EPHA3: variants seen among roughly 807,000 people sequenced by gnomAD.
The protein encoded by EPHA3 is ephrin type-A receptor 3.
A neutral mutation model predicts 107.1 loss-of-function variants in EPHA3; 42 were observed. The ratio of observed to expected loss-of-function variants is 0.39; its 90% CI spans 0.31 to 0.51. The LOEUF (loss-of-function observed/expected upper bound fraction) is 0.51. EPHA3 is among the 20% of genes least tolerant of loss of function. The pLI, the probability that EPHA3 is intolerant of heterozygous loss-of-function variation, is 0.78. For missense variants in EPHA3, 1,183 were observed against 1,211.2 expected (o/e 0.98, Z 0.35); for synonymous variants, 461 against 424.8 (o/e 1.09, Z -1.05).
At chr3:89,287,754 A>C (rs1278399228) in intron 3 of EPHA3, among the ~76,000 whole-genome samples, 1 of 152,122 alleles carries the variant, frequency 6.6e-6, no homozygotes, top group Non-Finnish European at 1.5e-5. Context: ...CAGATAGAGA[A>C]ATTGTGGAAA....
chr3:89,430,107 T>A (rs1437292810), intron 12 of EPHA3, among the ~76,000 whole-genome samples: 1 of 152,172 alleles, frequency 6.6e-6, no homozygotes, highest in Non-Finnish European at 1.5e-5. Context: ...GTGAATATAT[T>A]AAATTTACAT....
chr3:89,296,884 C>T (rs1706366595), intron 3 of EPHA3, among the ~76,000 whole-genome samples: 1 of 152,178 alleles, frequency 6.6e-6, no homozygotes, highest in Non-Finnish European at 1.5e-5. Flanking sequence ...GTTTTTCTAT[C>T]ATCAGTACTT....
intron 3 of EPHA3, among the ~76,000 whole-genome samples, chr3:89,251,107 C>T (rs1156305192): frequency 1.3e-5 from 2 of 152,016 alleles, no homozygotes; most frequent in African/African-American, 4.8e-5. Context: ...ATGATTTTGC[C>T]CTTGAAAATT....
intron 3 of EPHA3, among the ~76,000 whole-genome samples, chr3:89,235,001 T>A (rs766073825): frequency 5.3e-4 from 67 of 126,406 alleles, no homozygotes; most frequent in Non-Finnish European, 8.6e-4. Flanking sequence ...CTTTTTTCTC[T>A]TTTCTTTTCT....
chr3:89,425,537 G>C (rs1576371491), intron 11 of EPHA3, among the ~76,000 whole-genome samples: 1 of 150,768 alleles, frequency 6.6e-6, no homozygotes, highest in Non-Finnish European at 1.5e-5. Flanking sequence ...TAGAGTGTTA[G>C]ACCCAATGAC....
At chr3:89,215,909 A>T (rs1704211478) in intron 3 of EPHA3, among the ~76,000 whole-genome samples, 1 of 151,892 alleles carries the variant, frequency 6.6e-6, no homozygotes, top group Non-Finnish European at 1.5e-5. Flanking sequence ...TTATTAAAGT[A>T]TACTTCTAAA....
At chr3:89,110,533 C>T (rs985874803) in intron 1 of EPHA3, among the ~76,000 whole-genome samples, 15 of 151,884 alleles carry the variant, frequency 9.9e-5, no homozygotes, top group African/African-American at 3.1e-4. Flanking sequence ...GACTCATCAA[C>T]GATAACAGAT....
chr3:89,468,126 C>T (rs1401105031), intron 15 of EPHA3, among the ~76,000 whole-genome samples: 2 of 152,188 alleles, frequency 1.3e-5, no homozygotes, highest in East Asian at 3.9e-4. Flanking sequence ...TTGATAAACT[C>T]TCCAGATGTC....
intron 3 of EPHA3, among the ~76,000 whole-genome samples, chr3:89,230,033 T>A (rs745346554): frequency 6.6e-6 from 1 of 152,146 alleles, no homozygotes; most frequent in Non-Finnish European, 1.5e-5. Context: ...TCAGTATGTA[T>A]GAGCTTTAAA....
At chr3:89,368,057 A>AT (rs1357754796) in intron 5 of EPHA3, among the ~76,000 whole-genome samples, 1 of 150,502 alleles carries the variant, frequency 6.6e-6, no homozygotes, top group East Asian at 1.9e-4. Context: ...TCCAATAGGC[A>AT]TTTTTATATA....
At chr3:89,172,786 A>G (rs1271387383) in intron 2 of EPHA3, among the ~76,000 whole-genome samples, 1 of 152,176 alleles carries the variant, frequency 6.6e-6, no homozygotes, top group African/African-American at 2.4e-5. Flanking sequence ...CATCAATTAC[A>G]GTGTAATTAT....
At chr3:89,366,313 AG>A (rs201205876) in intron 5 of EPHA3, among the ~76,000 whole-genome samples, 2,270 of 150,764 alleles carry the variant, frequency 0.015, 61 homozygotes, top group African/African-American at 0.052. Flanking sequence ...TAAAGGAGCA[AG>A]GGGGGAGTTG....
intron 2 of EPHA3, among the ~76,000 whole-genome samples, chr3:89,198,477 T>G (rs760674903): frequency 3.3e-5 from 5 of 152,168 alleles, no homozygotes; most frequent in Admixed American, 6.5e-5. Flanking sequence ...GACCCTTAAA[T>G]CTAGGCTCCT....
intron 2 of EPHA3, among the ~76,000 whole-genome samples, chr3:89,207,573 G>C (rs1199752480): frequency 7.9e-6 from 1 of 127,050 alleles, no homozygotes; most frequent in African/African-American, 2.6e-5. Flanking sequence ...TCATAACATA[G>C]TGTCAATAGA....
At chr3:89,294,675 G>T (rs1306057300) in intron 3 of EPHA3, among the ~76,000 whole-genome samples, 1 of 151,800 alleles carries the variant, frequency 6.6e-6, no homozygotes, top group Non-Finnish European at 1.5e-5. Context: ...AGTTTTATTT[G>T]GGCCTCCTAA....
At position 89,449,288 on chromosome 3, in the gene EPHA3, G is replaced by C; in HGVS notation, c.2410G>C (p.Ala804Pro). 1 of 1,612,822 alleles carries C rather than the reference G, an allele frequency of 6.2e-7. No homozygotes were observed. Among genetic ancestry groups the C allele is most frequent in the East Asian group, 2.2e-5 (1 of 44,826 alleles). The change falls in exon 14 of 17, where the codon GCC becomes CCC. Residue 804 changes from alanine to proline, a missense_variant. Coordinates refer to ENST00000336596, the MANE Select transcript of EPHA3 (RefSeq NM_005233.6). ...EAIAYRKFTS[A>P]SDVWSYGIVL... ...TATAGCCTACCGCAAGTTCACGTCA[G>C]CCAGCGATGTATGGAGTTATGGGAT... is the stretch of plus-strand genomic sequence containing the variant.
intron 3 of EPHA3, among the ~76,000 whole-genome samples, chr3:89,337,985 A>AT (rs1707432115): frequency 6.6e-6 from 1 of 152,246 alleles, no homozygotes; most frequent in Admixed American, 6.5e-5. Context: ...AATTCCAGCC[A>AT]TAATGTCCAT....
intron 3 of EPHA3, among the ~76,000 whole-genome samples, chr3:89,276,034 G>A (rs1705797125): frequency 6.6e-6 from 1 of 151,988 alleles, no homozygotes; most frequent in African/African-American, 2.4e-5. Context: ...CATAGTACGG[G>A]GGAGAAAAAG....
rs543210091 is a variant in EPHA3 at position 89,452,087 on chromosome 3, G to A, written c.2690+1717G>A. 1.5e-4 allele frequency among the ~76,000 whole-genome samples: 23 copies of A among 152,136 alleles called. No homozygotes were observed. In the East Asian group the frequency reaches 2.9e-3, roughly 19 times the overall value. The stretch of plus-strand genomic sequence containing the variant: ...AATAGCAAAATTTTAACATATAAAC[G>A]TTTTTTATCCATTCTTCTGTCAGTG... On this transcript the variant is annotated intron_variant, in intron 15 of 16. Coordinates refer to ENST00000336596, the MANE Select transcript of EPHA3 (RefSeq NM_005233.6).
Sources: allele counts gnomAD v4.1 joint callset (sites outside exome capture counted in the v4.1 genomes callset), GRCh38; gene constraint gnomAD v4.1.1; transcripts MANE v1.5; gene names NCBI Gene and HGNC (gene_info 2026-07-23, HGNC 2026-07-21).